Variants in HP1BP3 observed in about 807,000 individuals in gnomAD.
The protein encoded by HP1BP3 is heterochromatin protein 1 binding protein 3.
In HP1BP3, 12 loss-of-function variants were observed where a neutral mutation model predicts 62.5. That is an observed-to-expected ratio of 0.19 (90% CI 0.12 to 0.31). The LOEUF (loss-of-function observed/expected upper bound fraction) is 0.31, where lower values mean the gene tolerates loss of function less well. Among genes scored for constraint, HP1BP3 ranks in the 10% least tolerant of loss-of-function variants. HP1BP3 has a pLI of 1.00. For synonymous variants in HP1BP3, 260 were observed against 237.8 expected (o/e 1.09, Z -0.86); for missense variants, 502 against 651.8 (o/e 0.77, Z 2.50).
rs1300577986 is a variant in HP1BP3, at chr1:20,744,870, C to A, written c.1589G>T (p.Ser530Ile). ...SGGSSKKPAT[S>I]ARKEVKLPGK... The stretch of plus-strand genomic sequence containing the variant: ...CGGCAATTTTACTTCCTTTCTTGCA[C>A]TGGTTGCAGGCTTCTTTGAGGAGCC... The change falls in exon 13 of 13, where the codon AGT (serine) becomes ATT (isoleucine). Residue 530 changes from serine to isoleucine, a missense_variant. Transcript: ENST00000438032. The A allele has an allele frequency of 1.2e-6, 2 of 1,614,042 alleles. No homozygotes were observed. Among genetic ancestry groups the A allele is most frequent in the Non-Finnish European group, 1.7e-6 (2 of 1,180,034 alleles).
chr1:20,740,787 C>G lies in HP1BP3; in HGVS notation c.*4010G>C, dbSNP rs887517093. On this transcript the variant is annotated 3_prime_UTR_variant, in exon 13 of 13. Coordinates refer to ENST00000438032, the MANE Select transcript of HP1BP3 (RefSeq NM_001372052.1). Reference sequence around the variant, plus strand: ...GAGCCAAGATCACACCACTGCGCTGCAGCCTTAGTGACACAGCAAACTCCA... The same window carrying G: ...GAGCCAAGATCACACCACTGCGCTGGAGCCTTAGTGACACAGCAAACTCCA... Among the ~76,000 whole-genome samples, 3 of 152,232 alleles carry G rather than the reference C, an allele frequency of 2.0e-5. No individual in the cohort carries two copies. Among genetic ancestry groups the G allele is most frequent in the African/African-American group, 7.2e-5 (3 of 41,458 alleles).
intron 3 of HP1BP3, among the ~76,000 whole-genome samples, chr1:20,778,966 T>C (rs2057423031): frequency 6.6e-6 from 1 of 152,030 alleles, no homozygotes; most frequent in South Asian, 2.1e-4. Context: ...ATGTTTATAA[T>C]TTTAGTAGAG....
rs1030793932 is a variant in HP1BP3 at position 20,740,870 on chromosome 1, T to G, written c.*3927A>C. 6.6e-6 allele frequency among the ~76,000 whole-genome samples: 1 copy of G among 152,218 alleles called. No homozygotes were observed. Among genetic ancestry groups the G allele is most frequent in the African/African-American group, 2.4e-5 (1 of 41,458 alleles). ...TATAAAGACGGTAGAGATTAATTTC[T>G]TAAGAAAATAATGCAGCTGATTAGG... On this transcript the variant is annotated 3_prime_UTR_variant, in exon 13 of 13. Transcript: ENST00000438032.
rs2055123729 is a variant in HP1BP3 at position 20,742,905 on chromosome 1, GAAAC to G, written c.*1888_*1891del. ...CAGGAGACAAAAGTGGAATGAATAA[GAAAC>G]AAACATCTTTTGCCTCTGGCAGTAC... On this transcript the variant is annotated 3_prime_UTR_variant, in exon 13 of 13. Transcript: ENST00000438032. 6.6e-6 allele frequency: 1 copy of G among 152,548 alleles called. No homozygotes were observed. The highest frequency in any genetic ancestry group is 1.5e-5 in the Non-Finnish European group (1 of 67,992). The allele number at this position is 152,548 out of a possible 1,614,324, so 9.4% of individuals were successfully genotyped here.
chr1:20,782,858 C>G (rs540684227), intron 1 of HP1BP3, among the ~76,000 whole-genome samples: 1 of 148,076 alleles, frequency 6.8e-6, no homozygotes, highest in South Asian at 2.1e-4. Context: ...CGAGATTGTG[C>G]CACTGCACTC....
chr1:20,768,969 T>C (rs1315248790), intron 6 of HP1BP3, among the ~76,000 whole-genome samples: 2 of 152,230 alleles, frequency 1.3e-5, no homozygotes, highest in African/African-American at 2.4e-5. Flanking sequence ...TCAGGCTATG[T>C]AGGCTAGAGC....
rs375542730 is a variant in HP1BP3, at chr1:20,759,950, A to G, written c.891-2694T>C. ...GTCGCCCAGGCTGGAGTGCAGTGGC[A>G]CAATCTCGGCTCACTGCAACCTCTG... On this transcript the variant is annotated intron_variant, in intron 8 of 12. Transcript: ENST00000438032. Among the ~76,000 whole-genome samples, 760 of 139,960 alleles carry G rather than the reference A, an allele frequency of 5.4e-3. 7 individuals are homozygous for G. The highest frequency in any genetic ancestry group is 0.02 in the African/African-American group (730 of 36,602). The allele number at this position is 139,960 out of a possible 152,430, so 91.8% of individuals were successfully genotyped here.
chr1:20,747,803 T>G, intron 10 of HP1BP3, 148 bp from the exon 11 acceptor site: 1 of 598,402 alleles, frequency 1.7e-6, no homozygotes, highest in South Asian at 2.1e-5. Context: ...CAAAGGTATT[T>G]AATTAAACAT....
At chr1:20,757,537 A>G (rs2056196686) in intron 8 of HP1BP3, among the ~76,000 whole-genome samples, 1 of 151,830 alleles carries the variant, frequency 6.6e-6, no homozygotes, top group African/African-American at 2.4e-5. Flanking sequence ...ACACCCGGCT[A>G]ATTTTGCATT....
chr1:20,756,268 TTGTATTTCTGTGTAAGGTTAG>T (rs1246057351), intron 9 of HP1BP3, among the ~76,000 whole-genome samples: 3 of 152,206 alleles, frequency 2.0e-5, no homozygotes, highest in African/African-American at 2.4e-5. Flanking sequence ...CCTTTTCTAA[TTGTATTTCTGTGTAAGGTTAG>T]ATTTTCTTCA....
At chr1:20,745,684 A>C in intron 11 of HP1BP3, 28 bp from the exon 12 acceptor site, 1 of 1,611,306 alleles carries the variant, frequency 6.2e-7, no homozygotes, top group Non-Finnish European at 8.5e-7. Flanking sequence ...AGATTAAAAC[A>C]CAAGTCCCAT....
intron 12 of HP1BP3, 111 bp from the exon 13 acceptor site, chr1:20,745,202 T>C (rs2055237518): frequency 8.0e-7 from 1 of 1,242,968 alleles, no homozygotes; most frequent in African/African-American, 1.5e-5. Flanking sequence ...TCACTTACGT[T>C]AAGAATAGGA....
chr1:20,765,185 A>C (rs983281727), intron 8 of HP1BP3, among the ~76,000 whole-genome samples, 192 bp downstream of exon 8: 2 of 151,658 alleles, frequency 1.3e-5, no homozygotes, highest in African/African-American at 4.8e-5. Flanking sequence ...TAAAAAAAAA[A>C]AAAAAAAAAA....
At chr1:20,771,290 G>A (rs651085) in intron 5 of HP1BP3, among the ~76,000 whole-genome samples, 71,050 of 151,964 alleles carry the variant, frequency 0.47, 17,103 homozygotes, top group African/African-American at 0.54. Context: ...AACAGCCTAA[G>A]AGACCATACT....
chr1:20,763,835 T>C (rs2056618611), intron 8 of HP1BP3, among the ~76,000 whole-genome samples: 1 of 152,230 alleles, frequency 6.6e-6, no homozygotes, highest in South Asian at 2.1e-4. Context: ...GTACAGGTGT[T>C]ATTGAAGCCT....
intron 4 of HP1BP3, 192 bp downstream of exon 4, chr1:20,776,405 C>T (rs2057305876): frequency 1.9e-6 from 1 of 520,752 alleles, no homozygotes; most frequent in African/African-American, 2.0e-5. Context: ...CCATTGTGTT[C>T]TGCTAACTAC....
rs149168651 is a variant in HP1BP3, at chr1:20,744,813, A to T, written c.1646T>A (p.Phe549Tyr). The change falls in exon 13 of 13, where the codon TTC becomes TAC. Residue 549 changes from phenylalanine to tyrosine, a missense_variant. Phe to Tyr is a conservative substitution (Grantham distance 22). This residue lies in a region of HP1BP3 where 194 missense variants were observed against 207.0 expected (regional missense o/e 0.94). Coordinates refer to ENST00000438032, the MANE Select transcript of HP1BP3 (RefSeq NM_001372052.1). ...CTATAAAATTTACTTTTTCACTCTG[A>T]AAGACTTCTTCATGGTGGATTTGCC... is the stretch of plus-strand genomic sequence containing the variant. ...GKGKSTMKKSFRVKK is the reference protein window; with the variant it reads ...GKGKSTMKKSYRVKK 6.2e-7 allele frequency: 1 copy of T among 1,605,814 alleles called. No homozygotes were observed. Among genetic ancestry groups the T allele is most frequent in the East Asian group, 2.2e-5 (1 of 44,856 alleles).
At chr1:20,747,685 A>G in intron 10 of HP1BP3, 30 bp from the exon 11 acceptor site, 1 of 1,380,322 alleles carries the variant, frequency 7.2e-7, no homozygotes, top group Non-Finnish European at 1.0e-6. Context: ...AATGAAAGTT[A>G]TCTAGTTATT....
At chr1:20,786,509 C>G (rs2154542142) in intron 1 of HP1BP3, 1 of 152,506 alleles carries the variant, frequency 6.6e-6, no homozygotes, top group Middle Eastern at 3.4e-3. Context: ...GGGGAAAGCT[C>G]GGACCGCGGA....
Sources: allele counts gnomAD v4.1 joint callset (sites outside exome capture counted in the v4.1 genomes callset), GRCh38; gene constraint gnomAD v4.1.1; regional missense constraint gnomAD v4.1.1; transcripts MANE v1.5; gene names NCBI Gene and HGNC (gene_info 2026-07-23, HGNC 2026-07-21).